The following TSPAN7 variants were observed in gnomAD, a reference collection of about 807,000 sequenced individuals.
TSPAN7 encodes tetraspanin 7, also known as tetraspanin-7.
In TSPAN7, 1 loss-of-function variant was observed where a neutral mutation model predicts 17.6. The ratio of observed to expected loss-of-function variants is 0.06; its 90% CI spans 0.02 to 0.27. The LOEUF (loss-of-function observed/expected upper bound fraction) is 0.27, where lower values mean the gene tolerates loss of function less well. TSPAN7 is among the 10% of genes least tolerant of loss of function. The probability of loss-of-function intolerance (pLI) is 1.00; values close to 1 mark genes in which losing one functional copy is unlikely to be tolerated. For missense variants in TSPAN7, 112 were observed against 201.7 expected, an observed-to-expected ratio of 0.56 and a Z score of 2.69; for synonymous variants, 78 against 79.0, an observed-to-expected ratio of 0.99 and a Z score of 0.07.
chrX:38,562,726 G>A (rs2069120218), intron 1 of TSPAN7, among the ~76,000 whole-genome samples: 1 of 111,490 alleles, frequency 9.0e-6, no homozygotes, highest in African/African-American at 3.3e-5. Flanking sequence ...CTCTTTTCAT[G>A]TCGGTGACCC....
chrX:38,586,471 G>T (rs763997646), intron 1 of TSPAN7, among the ~76,000 whole-genome samples: 47 of 112,111 alleles, frequency 4.2e-4, no homozygotes, highest in Non-Finnish European at 8.1e-4. Context: ...TGACCTATTT[G>T]CCCAGAGTCT....
intron 1 of TSPAN7, among the ~76,000 whole-genome samples, chrX:38,589,539 C>G (rs952974836): frequency 1.6e-4 from 18 of 111,981 alleles, no homozygotes; most frequent in African/African-American, 5.2e-4. Context: ...TCAAAGGATG[C>G]TTACCAATAT....
At chrX:38,618,430 A>C (rs1422472427) in intron 1 of TSPAN7, among the ~76,000 whole-genome samples, 2 of 111,692 alleles carry the variant, frequency 1.8e-5, no homozygotes, top group African/African-American at 6.5e-5. Context: ...ACACACGGAC[A>C]GATGGTTGGG....
intron 1 of TSPAN7, among the ~76,000 whole-genome samples, chrX:38,571,953 G>C (rs930939384): frequency 9.0e-6 from 1 of 111,497 alleles, no homozygotes; most frequent in African/African-American, 3.3e-5. Flanking sequence ...TCTTTGGCAA[G>C]GGTCTTCAAG....
intron 1 of TSPAN7, among the ~76,000 whole-genome samples, chrX:38,604,630 G>A (rs1398404084): frequency 2.7e-5 from 3 of 111,480 alleles, no homozygotes; most frequent in East Asian, 5.7e-4. Flanking sequence ...GTGATGGTGA[G>A]CATTTTTTCA....
intron 1 of TSPAN7, among the ~76,000 whole-genome samples, chrX:38,663,150 TATAC>T (rs1169859019): frequency 2.8e-5 from 1 of 35,959 alleles, no homozygotes; most frequent in Middle Eastern, 0.016. Flanking sequence ...AAATGTGGTG[TATAC>T]ACACACACAC....
chrX:38,647,549 C>T (rs1173580591), intron 1 of TSPAN7, among the ~76,000 whole-genome samples: 1 of 112,115 alleles, frequency 8.9e-6, no homozygotes, highest in Admixed American at 9.4e-5. Context: ...ATTGGGTGCT[C>T]CTGGAAATGT....
intron 1 of TSPAN7, among the ~76,000 whole-genome samples, chrX:38,603,522 C>G (rs946354559): frequency 8.9e-6 from 1 of 111,802 alleles, no homozygotes; most frequent in African/African-American, 3.2e-5. Context: ...TGTCCATCAA[C>G]TGATAAATGG....
intron 1 of TSPAN7, among the ~76,000 whole-genome samples, chrX:38,634,083 A>C (rs2069566093): frequency 8.9e-6 from 1 of 111,963 alleles, no homozygotes; most frequent in Admixed American, 9.5e-5. Context: ...GTAAATAAAA[A>C]TTTTTAGGAC....
chrX:38,600,773 G>C (rs1266233171), intron 1 of TSPAN7, among the ~76,000 whole-genome samples: 1 of 112,029 alleles, frequency 8.9e-6, no homozygotes, highest in East Asian at 2.8e-4. Flanking sequence ...TAAGCAGGAA[G>C]GCTGCTTTAT....
intron 1 of TSPAN7, among the ~76,000 whole-genome samples, chrX:38,563,462 G>C (rs979269720): frequency 9.5e-6 from 1 of 105,075 alleles, no homozygotes; most frequent in Non-Finnish European, 1.9e-5. Flanking sequence ...TGTTACTGGA[G>C]TGAATCATAT....
At chrX:38,630,156 GT>G in intron 1 of TSPAN7, among the ~76,000 whole-genome samples, 1 of 112,108 alleles carries the variant, frequency 8.9e-6, no homozygotes, top group South Asian at 3.7e-4. Context: ...AATCCAAAAT[GT>G]CCAGATCAGT....
At chrX:38,568,652 T>C (rs62589244) in intron 1 of TSPAN7, among the ~76,000 whole-genome samples, 1,773 of 111,287 alleles carry the variant, frequency 0.016, 19 homozygotes, top group Non-Finnish European at 0.027. Context: ...ATTTCCTGGG[T>C]ACCCTTTCAA....
intron 1 of TSPAN7, among the ~76,000 whole-genome samples, chrX:38,639,730 G>A (rs756665098): frequency 1.0e-4 from 11 of 108,629 alleles, no homozygotes; most frequent in Non-Finnish European, 1.9e-4. Flanking sequence ...GGGTGAGAAT[G>A]TATGCACTGT....
intron 1 of TSPAN7, among the ~76,000 whole-genome samples, chrX:38,603,994 G>C (rs1264402846): frequency 2.1e-5 from 2 of 97,323 alleles, no homozygotes; most frequent in East Asian, 7.0e-4. Flanking sequence ...TTAGCATTAG[G>C]TATATCTCCT....
intron 3 of TSPAN7, among the ~76,000 whole-genome samples, chrX:38,672,935 T>C (rs191676393): frequency 9.8e-5 from 11 of 112,187 alleles, no homozygotes; most frequent in Admixed American, 9.4e-4. Context: ...TGGGCTTGTT[T>C]CTCCACCATG....
chrX:38,593,040 G>C (rs1487262464), intron 1 of TSPAN7, among the ~76,000 whole-genome samples: 1 of 110,246 alleles, frequency 9.1e-6, no homozygotes, highest in African/African-American at 3.3e-5. Context: ...ATAGATTCTA[G>C]GTTGATAGTT....
At chrX:38,611,413 T>TG (rs1292507826) in intron 1 of TSPAN7, among the ~76,000 whole-genome samples, 1 of 112,341 alleles carries the variant, frequency 8.9e-6, no homozygotes, top group African/African-American at 3.2e-5. Flanking sequence ...TAAGTCACGT[T>TG]GGGGAAATGG....
intron 1 of TSPAN7, among the ~76,000 whole-genome samples, chrX:38,594,923 C>T (rs777367526): frequency 2.2e-4 from 24 of 111,280 alleles, no homozygotes; most frequent in Non-Finnish European, 3.6e-4. Context: ...GTTTATCCTA[C>T]AAATCATTTC....
Sources: allele counts gnomAD v4.1 joint callset (sites outside exome capture counted in the v4.1 genomes callset), GRCh38; gene constraint gnomAD v4.1.1; transcripts MANE v1.5; gene names NCBI Gene and HGNC (gene_info 2026-07-23, HGNC 2026-07-21).